The following HECW1 variants were observed in gnomAD, a reference collection of about 807,000 sequenced individuals.
HECW1 encodes HECT, C2 and WW domain containing E3 ubiquitin protein ligase 1.
A neutral mutation model predicts 182.3 loss-of-function variants in HECW1; 61 were observed. That is an observed-to-expected ratio of 0.33 (90% confidence interval 0.27 to 0.41). The LOEUF is 0.41. Ranked by LOEUF, HECW1 falls within the 10% of genes least tolerant of loss-of-function variation. The pLI, the probability that HECW1 is intolerant of heterozygous loss-of-function variation, is 1.00. For missense variants in HECW1, 1,739 were observed against 2,108.9 expected (o/e 0.82, Z 3.44); for synonymous variants, 859 against 832.6 (o/e 1.03, Z -0.55).
intron 2 of HECW1, among the ~76,000 whole-genome samples, chr7:43,216,155 T>C (rs1267812326): frequency 6.6e-6 from 1 of 152,134 alleles, no homozygotes; most frequent in Non-Finnish European, 1.5e-5. Flanking sequence ...TTTTTGTTTT[T>C]GTTTTTTTGA....
intron 2 of HECW1, chr7:43,240,933 C>G (rs143554626): frequency 3.9e-5 from 6 of 152,392 alleles, no homozygotes; most frequent in African/African-American, 1.4e-4. Context: ...TGCCCTGTGC[C>G]GAGCACTCCT....
intron 3 of HECW1, among the ~76,000 whole-genome samples, chr7:43,257,436 C>A (rs1800694060): frequency 6.6e-6 from 1 of 152,108 alleles, no homozygotes; most frequent in African/African-American, 2.4e-5. Context: ...AGGGTTCTGC[C>A]TTCAAGGTAA....
At chr7:43,370,624 G>A (rs1218598411) in intron 6 of HECW1, among the ~76,000 whole-genome samples, 1 of 152,020 alleles carries the variant, frequency 6.6e-6, no homozygotes. Flanking sequence ...TAGCAGGCAA[G>A]CAGATAAATT....
At chr7:43,319,775 ATTT>A (rs10604163) in intron 4 of HECW1, among the ~76,000 whole-genome samples, 50 of 105,524 alleles carry the variant, frequency 4.7e-4, no homozygotes, top group Non-Finnish European at 1.0e-4. Context: ...AATTTTTGTA[ATTT>A]TTTTTTTTTT....
chr7:43,180,419 G>A (rs1216596173), intron 2 of HECW1, among the ~76,000 whole-genome samples: 1 of 151,204 alleles, frequency 6.6e-6, no homozygotes, highest in African/African-American at 2.4e-5. Flanking sequence ...TTTTTGAGAT[G>A]GAGTCTTGCT....
intron 2 of HECW1, among the ~76,000 whole-genome samples, chr7:43,181,768 C>A (rs1792881933): frequency 6.6e-6 from 1 of 150,394 alleles, no homozygotes; most frequent in Non-Finnish European, 1.5e-5. Flanking sequence ...CTAATATTTT[C>A]TCATATTGTT....
At chr7:43,425,832 C>T (rs1223160057) in intron 8 of HECW1, among the ~76,000 whole-genome samples, 1 of 152,152 alleles carries the variant, frequency 6.6e-6, no homozygotes, top group Non-Finnish European at 1.5e-5. Flanking sequence ...CTCTCAAAGG[C>T]CCCACCTCTA....
At chr7:43,221,537 G>GTTTTTGTT (rs1796946294) in intron 2 of HECW1, among the ~76,000 whole-genome samples, 1 of 50,500 alleles carries the variant, frequency 2.0e-5, no homozygotes, top group Non-Finnish European at 3.4e-5. Context: ...GAGGAATTAG[G>GTTTTTGTT]TTTTTTTTTT....
chr7:43,222,356 T>C lies in HECW1; in HGVS notation c.-31-21519T>C, dbSNP rs78673053. Among the ~76,000 whole-genome samples the C allele has an allele frequency of 9.7e-3, 1,484 of 152,330 alleles. 32 individuals are homozygous for C. The highest frequency in any genetic ancestry group is 0.085 in the East Asian group (441 of 5,180). ...TCCATCTCTGTATTTTGCACATCTT[T>C]CAAAGATTATGCAAACAATCTTTGA... is the stretch of plus-strand genomic sequence containing the variant. On this transcript the variant is annotated intron_variant, in intron 2 of 29. Transcript: ENST00000395891.
At chr7:43,298,483 T>A (rs1806312314) in intron 3 of HECW1, among the ~76,000 whole-genome samples, 1 of 152,200 alleles carries the variant, frequency 6.6e-6, no homozygotes, top group Non-Finnish European at 1.5e-5. Context: ...AGTAGTCATA[T>A]GCCAGCCTCC....
intron 3 of HECW1, among the ~76,000 whole-genome samples, chr7:43,309,583 A>G (rs1277837584): frequency 6.6e-6 from 1 of 152,208 alleles, no homozygotes; most frequent in Admixed American, 6.5e-5. Context: ...AACCACGTAC[A>G]TAAAAATCTT....
intron 2 of HECW1, among the ~76,000 whole-genome samples, chr7:43,116,831 T>C (rs1785093160): frequency 6.6e-6 from 1 of 152,212 alleles, no homozygotes; most frequent in Admixed American, 6.5e-5. Context: ...TCTTCTTCTT[T>C]AAGAGTAGAA....
At chr7:43,344,214 T>C (rs1229536664) in intron 5 of HECW1, among the ~76,000 whole-genome samples, 1 of 151,872 alleles carries the variant, frequency 6.6e-6, no homozygotes, top group Non-Finnish European at 1.5e-5. Context: ...AGGTTGCCTG[T>C]TCACTCTGAT....
intron 8 of HECW1, among the ~76,000 whole-genome samples, chr7:43,435,260 A>C (rs192845268): frequency 4.8e-4 from 73 of 152,250 alleles, no homozygotes; most frequent in African/African-American, 1.6e-3. Flanking sequence ...TACACTCCAG[A>C]ATGGAATAAC....
chr7:43,256,861 T>A (rs909678005), intron 3 of HECW1, among the ~76,000 whole-genome samples: 4 of 152,126 alleles, frequency 2.6e-5, no homozygotes, highest in Non-Finnish European at 4.4e-5. Flanking sequence ...AGAAAGAAAG[T>A]AAGGTATATA....
At chr7:43,410,134 A>G (rs1269396714) in intron 8 of HECW1, among the ~76,000 whole-genome samples, 1 of 152,178 alleles carries the variant, frequency 6.6e-6, no homozygotes, top group Non-Finnish European at 1.5e-5. Context: ...AGAAAGCAAC[A>G]GGCCAAAAAA....
At chr7:43,395,802 T>G (rs10227279) in intron 6 of HECW1, among the ~76,000 whole-genome samples, 64,893 of 152,058 alleles carry the variant, frequency 0.43, 14,773 homozygotes, top group Middle Eastern at 0.55. Flanking sequence ...AGCCCTGTGA[T>G]GCCCAGTCAT....
intron 3 of HECW1, among the ~76,000 whole-genome samples, chr7:43,258,182 A>C (rs1156985890): frequency 1.3e-5 from 2 of 152,096 alleles, no homozygotes; most frequent in African/African-American, 2.4e-5. Context: ...TCTACTAAAA[A>C]TACAAAAAAA....
chr7:43,205,722 A>T (rs1403515449), intron 2 of HECW1, among the ~76,000 whole-genome samples: 1 of 152,176 alleles, frequency 6.6e-6, no homozygotes, highest in African/African-American at 2.4e-5. Flanking sequence ...AATTTCTAAT[A>T]GGTTCTCCTC....
Sources: allele counts gnomAD v4.1 joint callset (sites outside exome capture counted in the v4.1 genomes callset), GRCh38; gene constraint gnomAD v4.1.1; transcripts MANE v1.5; gene names NCBI Gene and HGNC (gene_info 2026-07-23, HGNC 2026-07-21).